The following SP100 variants were observed in gnomAD, a reference collection of about 807,000 sequenced individuals.
The protein encoded by SP100 is nuclear autoantigen Sp-100.
A neutral mutation model predicts 130.0 loss-of-function variants in SP100; 84 were observed. The ratio of observed to expected loss-of-function variants is 0.65; its 90% CI spans 0.54 to 0.77. The LOEUF (loss-of-function observed/expected upper bound fraction) is 0.77. SP100 is among the 30% of genes least tolerant of loss of function. The pLI, the probability that SP100 is intolerant of heterozygous loss-of-function variation, is 0.00. For synonymous variants in SP100, 331 were observed against 351.7 expected (o/e 0.94, Z 0.66); for missense variants, 978 against 1,052.2 (o/e 0.93, Z 0.97).
At chr2:230,518,333 T>C (rs1367328648) in intron 24 of SP100, among the ~76,000 whole-genome samples, 3 of 151,950 alleles carry the variant, frequency 2.0e-5, no homozygotes, top group African/African-American at 7.2e-5. Flanking sequence ...GAAAAACACA[T>C]CTTACTTTTT....
At chr2:230,483,464 T>C (rs1436511773) in intron 17 of SP100, among the ~76,000 whole-genome samples, 1 of 152,168 alleles carries the variant, frequency 6.6e-6, no homozygotes, top group Non-Finnish European at 1.5e-5. Flanking sequence ...CTCAGAGGTA[T>C]ATAGAACTTA....
chr2:230,526,517 T>C (rs2150102898), intron 24 of SP100, among the ~76,000 whole-genome samples: 1 of 152,218 alleles, frequency 6.6e-6, no homozygotes, highest in Non-Finnish European at 1.5e-5. Flanking sequence ...CTCCAAAGGA[T>C]TGCAGCTCCT....
chr2:230,508,188 A>G lies in SP100; in HGVS notation c.2052+157A>G, dbSNP rs1217444242. The stretch of plus-strand genomic sequence containing the variant: ...GCTGCTTTCAAACATTATTCAATGT[A>G]TAAGTCCAGGGCTCCTTTGAACATC... On this transcript the variant is annotated intron_variant, in intron 23 of 28. Transcript: ENST00000340126. The G allele has an allele frequency of 1.3e-5, 16 of 1,277,752 alleles. No homozygotes were observed. The highest frequency in any genetic ancestry group is 1.6e-5 in the South Asian group (1 of 61,664). The allele number at this position is 1,277,752 out of a possible 1,614,324, so 79.2% of individuals were successfully genotyped here. A position where few individuals can be genotyped will look rare whatever the true frequency, so the allele number is the denominator to read the frequency against.
chr2:230,540,014 T>A (rs1405951968), intron 25 of SP100, among the ~76,000 whole-genome samples: 1 of 152,176 alleles, frequency 6.6e-6, no homozygotes, highest in African/African-American at 2.4e-5. Context: ...CCTTCCATAA[T>A]GGAGGAGGCT....
intron 5 of SP100, among the ~76,000 whole-genome samples, chr2:230,447,157 T>C (rs1282679701): frequency 1.3e-5 from 2 of 151,974 alleles, no homozygotes; most frequent in Non-Finnish European, 2.9e-5. Flanking sequence ...CTAGAAGTAA[T>C]TGTAATTTAG....
rs1160062662 is a variant in SP100, at chr2:230,436,944, ATATAT to A, written c.108-5992_108-5988del. Among the ~76,000 whole-genome samples, 186 of 141,064 alleles carry A rather than the reference ATATAT, an allele frequency of 1.3e-3. 3 individuals carry two copies. The highest frequency in any genetic ancestry group is 4.4e-3 in the African/African-American group (167 of 37,672). The allele number at this position is 141,064 out of a possible 152,430, so 92.5% of individuals were successfully genotyped here. A position where few individuals can be genotyped will look rare whatever the true frequency, so the allele number is the denominator to read the frequency against. On this transcript the variant is annotated intron_variant, in intron 2 of 28. Coordinates refer to ENST00000340126, the MANE Select transcript of SP100 (RefSeq NM_001080391.2). The stretch of plus-strand genomic sequence containing the variant: ...TACACACAAGTGTATACACACACGC[ATATAT>A]GTGTATACACACACATATATATGTG...
chr2:230,541,760 C>T, intron 27 of SP100, 132 bp from the exon 28 acceptor site: 1 of 918,394 alleles, frequency 1.1e-6, no homozygotes, highest in African/African-American at 1.7e-5. Context: ...AAAGGTCCCA[C>T]CTCCTAGTAC....
chr2:230,491,011 T>G (rs756851190), intron 17 of SP100, among the ~76,000 whole-genome samples: 5 of 152,190 alleles, frequency 3.3e-5, no homozygotes, highest in Non-Finnish European at 5.9e-5. Context: ...TGAATTTGCA[T>G]GTTGGCCTGC....
In SP100 at chr2:230,503,111, G is replaced by A. The variant is rs1414828021; in HGVS notation, c.1765+1G>A. On this transcript the variant is annotated splice_donor_variant, in intron 20 of 28. Transcript: ENST00000340126. LOFTEE classifies it high-confidence loss of function. ...CCTTTGAAAAGAAGAAGAAAAAGAGGTAAATAGAAGTGATCGATATGTTTT... is the reference window on the plus strand; with the variant it reads ...CCTTTGAAAAGAAGAAGAAAAAGAGATAAATAGAAGTGATCGATATGTTTT... The A allele has an allele frequency of 7.6e-6, 12 of 1,582,246 alleles. No individual in the cohort carries two copies. The highest frequency in any genetic ancestry group is 1.0e-5 in the Non-Finnish European group (12 of 1,155,644).
chr2:230,521,945 A>T (rs1361905159), intron 24 of SP100, among the ~76,000 whole-genome samples: 1 of 152,180 alleles, frequency 6.6e-6, no homozygotes, highest in Admixed American at 6.5e-5. Flanking sequence ...GGAACATTTT[A>T]AAGGAATTTC....
At chr2:230,537,250 C>T (rs541457173) in intron 24 of SP100, among the ~76,000 whole-genome samples, 1 of 152,268 alleles carries the variant, frequency 6.6e-6, no homozygotes, top group South Asian at 2.1e-4. Context: ...CAGAGTGAGA[C>T]CCTGTCTCAA....
chr2:230,525,955 A>G (rs1273539427), intron 24 of SP100, among the ~76,000 whole-genome samples: 1 of 152,186 alleles, frequency 6.6e-6, no homozygotes, highest in African/African-American at 2.4e-5. Context: ...CTGCCTCTAT[A>G]GATTCCACCT....
intron 9 of SP100, 30 bp from the exon 10 acceptor site, chr2:230,462,405 A>G: frequency 1.3e-6 from 2 of 1,570,840 alleles, no homozygotes; most frequent in Middle Eastern, 1.7e-4. Flanking sequence ...ACACCCTGAG[A>G]CTCTTAATGG....
At chr2:230,497,651 C>T (rs1001569074) in intron 18 of SP100, among the ~76,000 whole-genome samples, 4 of 151,526 alleles carry the variant, frequency 2.6e-5, no homozygotes, top group African/African-American at 9.7e-5. Context: ...TCATGAGATG[C>T]TCCTGCACAT....
chr2:230,466,762 T>G (rs1028859373), intron 12 of SP100, among the ~76,000 whole-genome samples: 1 of 152,002 alleles, frequency 6.6e-6, no homozygotes, highest in Non-Finnish European at 1.5e-5. Context: ...AGAAGCAAAT[T>G]TACAAATAAA....
At chr2:230,422,466 A>T (rs2062795575) in intron 2 of SP100, among the ~76,000 whole-genome samples, 1 of 152,180 alleles carries the variant, frequency 6.6e-6, no homozygotes, top group Admixed American at 6.5e-5. Flanking sequence ...TCGCCTTCTA[A>T]AGGAATGGTG....
chr2:230,498,419 GTTT>G (rs751854405), intron 18 of SP100, 39 bp from the exon 19 acceptor site: 225 of 1,293,414 alleles, frequency 1.7e-4, no homozygotes, highest in Non-Finnish European at 2.2e-4. Context: ...TATAATGTGA[GTTT>G]TTTACACCAT....
rs538457929 is a variant in SP100 at position 230,540,353 on chromosome 2, C to T, written c.2211-523C>T. On this transcript the variant is annotated intron_variant, in intron 25 of 28. Transcript: ENST00000340126. ...CTAGGAACAAATGAAAGATATCTGACACCTCTCTGGAGATTTCCTTTTCAA... is the reference window on the plus strand; with the variant it reads ...CTAGGAACAAATGAAAGATATCTGATACCTCTCTGGAGATTTCCTTTTCAA... Among the ~76,000 whole-genome samples, 18 of 152,312 alleles carry T rather than the reference C, an allele frequency of 1.2e-4. No homozygotes were observed. The South Asian group carries it at 3.7e-3, about 32-fold the overall frequency.
chr2:230,467,738 C>G (rs1310033761), intron 13 of SP100, among the ~76,000 whole-genome samples: 1 of 152,188 alleles, frequency 6.6e-6, no homozygotes, highest in Non-Finnish European at 1.5e-5. Context: ...CATGGGAATT[C>G]AAGATGAGAT....
Sources: allele counts gnomAD v4.1 joint callset (sites outside exome capture counted in the v4.1 genomes callset), GRCh38; gene constraint gnomAD v4.1.1; transcripts MANE v1.5; gene names NCBI Gene and HGNC (gene_info 2026-07-23, HGNC 2026-07-21).